Variants in LMNA observed in about 807,000 individuals in gnomAD.
LMNA encodes lamin A/C.
LMNA carries 20 observed loss-of-function variants against 70.4 expected under a neutral mutation model. That is an observed-to-expected ratio of 0.28 (90% CI 0.20 to 0.41). The LOEUF (loss-of-function observed/expected upper bound fraction) is 0.41, where lower values mean the gene tolerates loss of function less well. Among genes scored for constraint, LMNA ranks in the 10% least tolerant of loss-of-function variants. The probability of loss-of-function intolerance (pLI) is 1.00; values close to 1 mark genes in which losing one functional copy is unlikely to be tolerated. For synonymous variants in LMNA, 339 were observed against 372.8 expected, an observed-to-expected ratio of 0.91 and a Z score of 1.04; for missense variants, 652 against 917.2, an observed-to-expected ratio of 0.71 and a Z score of 3.73.
At chr1:156,127,521 T>G (rs972191930) in intron 1 of LMNA, among the ~76,000 whole-genome samples, 2 of 134,588 alleles carry the variant, frequency 1.5e-5, no homozygotes, top group East Asian at 2.1e-4. Context: ...TTTTTTTTTT[T>G]TTTTTTTTTT....
chr1:156,093,599 T>G (rs1188576009), intron 3 of LMNA: 3 of 152,122 alleles, frequency 2.0e-5, no homozygotes, highest in Non-Finnish European at 4.4e-5. Context: ...AGCCACTGCG[T>G]CCAACTACAT....
At chr1:156,089,809 G>A (rs1648625763) in intron 2 of LMNA, among the ~76,000 whole-genome samples, 1 of 152,216 alleles carries the variant, frequency 6.6e-6, no homozygotes, top group African/African-American at 2.4e-5. Flanking sequence ...TGCATTGTCT[G>A]ATTTCCCCAG....
At position 156,138,543 on chromosome 1, in the gene LMNA, C is replaced by T. The variant is rs909711414; in HGVS notation, c.1754C>T (p.Thr585Ile). 1 of 1,612,620 alleles carries T rather than the reference C, an allele frequency of 6.2e-7. No individual in the cohort carries two copies. The highest frequency in any genetic ancestry group is 8.5e-7 in the Non-Finnish European group (1 of 1,179,778). The change falls in exon 11 of 12, where the codon ACC (threonine) becomes ATC (isoleucine). Residue 585 changes from threonine (T) to isoleucine (I), a missense_variant. Thr to Ile is a moderately conservative substitution (Grantham distance 89). Coordinates refer to ENST00000368300, the MANE Select transcript of LMNA (RefSeq NM_170707.4). The surrounding 1 kb of genome is among the most constrained non-coding windows in gnomAD (Gnocchi z 5.5). ...DPAEYNLRSRTVLCGTCGQPA... is the reference protein window; with the variant it reads ...DPAEYNLRSRIVLCGTCGQPA... ...GCTGAGTACAACCTGCGCTCGCGCA[C>T]CGTGCTGTGCGGGACCTGCGGGCAG...
intron 3 of LMNA, among the ~76,000 whole-genome samples, chr1:156,107,409 C>A (rs899455012): frequency 1.3e-5 from 2 of 152,198 alleles, no homozygotes; most frequent in African/African-American, 4.8e-5. Flanking sequence ...GAGGTTTTGA[C>A]CCTGCCTGGC....
At chr1:156,084,344 C>G (rs1308078895) in intron 2 of LMNA, among the ~76,000 whole-genome samples, 78 of 71,496 alleles carry the variant, frequency 1.1e-3, no homozygotes, top group Non-Finnish European at 1.5e-3. Context: ...GTGGTGGGGG[C>G]AGTTGGCACA....
intron 3 of LMNA, among the ~76,000 whole-genome samples, chr1:156,102,657 C>T (rs774209538): frequency 1.2e-4 from 18 of 152,174 alleles, no homozygotes; most frequent in Admixed American, 7.9e-4. Flanking sequence ...CCTCTGGCCT[C>T]CTGCAGCCGG....
At position 156,138,957 on chromosome 1, in the gene LMNA, G is replaced by C. The variant is rs1370015666; in HGVS notation, c.1969-123G>C. On this transcript the variant is annotated intron_variant, in intron 11 of 11. Coordinates refer to ENST00000368300, the MANE Select transcript of LMNA (RefSeq NM_170707.4). This position sits in a 1 kb window ranked among gnomAD's most constrained non-coding sequence, Gnocchi z 5.5. The stretch of plus-strand genomic sequence containing the variant: ...TCTTGTCTGAGCCCCAGACTGGAGG[G>C]CAGGGGCAGGGCTGGAGTGTGAGGG... The C allele has an allele frequency of 1.5e-6, 2 of 1,308,582 alleles. No homozygotes were observed. Among genetic ancestry groups the C allele is most frequent in the African/African-American group, 2.9e-5 (2 of 68,570 alleles). The allele number at this position is 1,308,582 out of a possible 1,614,324, so 81.1% of individuals were successfully genotyped here. A position where few individuals can be genotyped will look rare whatever the true frequency, so the allele number is the denominator to read the frequency against.
intron 1 of LMNA, chr1:156,126,776 C>T (rs1345678687): frequency 1.3e-6 from 2 of 1,594,658 alleles, no homozygotes; most frequent in African/African-American, 1.3e-5. Context: ...GGATGCCCAG[C>T]CCTTCTCGCC....
In LMNA at chr1:156,134,795, A is replaced by G. The variant is rs80356807; in HGVS notation, c.640-10A>G. 6.2e-7 allele frequency: 1 copy of G among 1,613,882 alleles called. No individual in the cohort carries two copies. The highest frequency in any genetic ancestry group is 8.5e-7 in the Non-Finnish European group (1 of 1,179,952). On this transcript the variant is annotated splice_polypyrimidine_tract_variant and intron_variant, in intron 3 of 11. Coordinates refer to ENST00000368300, the MANE Select transcript of LMNA (RefSeq NM_170707.4). This position sits in a 1 kb window ranked among gnomAD's most constrained non-coding sequence, Gnocchi z 5.3. ...TTTTGGTTTCTGTGTCCTTCCTCCAACCCTTCCAGGAGCTGCGTGAGACCA... is the reference window on the plus strand; with the variant it reads ...TTTTGGTTTCTGTGTCCTTCCTCCAGCCCTTCCAGGAGCTGCGTGAGACCA...
chr1:156,110,523 C>T (rs1649494527), upstream of LMNA, among the ~76,000 whole-genome samples: 2 of 152,200 alleles, frequency 1.3e-5, no homozygotes, highest in Non-Finnish European at 1.5e-5. Context: ...TGAAAAGTGG[C>T]AGGGCCAGAT....
At chr1:156,124,206 T>G (rs928723830) in intron 1 of LMNA, among the ~76,000 whole-genome samples, 20 of 152,112 alleles carry the variant, frequency 1.3e-4, no homozygotes, top group African/African-American at 4.8e-4. Flanking sequence ...TGTATGATAT[T>G]CAGAACTTCA....
rs975870665 is a variant in LMNA, at chr1:156,126,305, T to C, written c.357-4312T>C. ...CCTCCACCTCCCCTTTGTCTTCCCC[T>C]CCCACTTGTTATTTTTAGCTACAGT... is the stretch of plus-strand genomic sequence containing the variant. On this transcript the variant is annotated intron_variant, in intron 1 of 11. Coordinates refer to ENST00000368300, the MANE Select transcript of LMNA (RefSeq NM_170707.4). 27 of 1,076,200 alleles carry C rather than the reference T, an allele frequency of 2.5e-5. No individual in the cohort carries two copies. The Middle Eastern group carries it at 6.2e-4, about 25-fold the overall frequency. The allele number at this position is 1,076,200 out of a possible 1,614,324, so 66.7% of individuals were successfully genotyped here.
intron 2 of LMNA, among the ~76,000 whole-genome samples, chr1:156,084,181 G>A (rs1648383593): frequency 6.6e-6 from 1 of 152,168 alleles, no homozygotes; most frequent in African/African-American, 2.4e-5. Context: ...GAGAGGCAAG[G>A]AAACAGATGA....
intron 1 of LMNA, among the ~76,000 whole-genome samples, chr1:156,124,657 CACA>C (rs1418175865): frequency 2.0e-5 from 3 of 152,188 alleles, no homozygotes; most frequent in African/African-American, 7.2e-5. Flanking sequence ...GGGAATTCTC[CACA>C]TCCTGCCCTT....
rs1225454840 is a variant in LMNA, at chr1:156,134,825, C to T, written c.660C>T (p.Arg220=). Residue 220 remains arginine, a synonymous_variant, in exon 4 of 12, where the codon CGC becomes CGT. Coordinates refer to ENST00000368300, the MANE Select transcript of LMNA (RefSeq NM_170707.4). This position sits in a 1 kb window ranked among gnomAD's most constrained non-coding sequence, Gnocchi z 5.3. The stretch of plus-strand genomic sequence containing the variant: ...TCCAGGAGCTGCGTGAGACCAAGCG[C>T]CGTCATGAGACCCGACTGGTGGAGA... ...IYSEELRETK[R]RHETRLVEID... 3 of 1,614,110 alleles carry T rather than the reference C, an allele frequency of 1.9e-6. No individual in the cohort carries two copies. The East Asian group carries it at 6.7e-5, about 36-fold the overall frequency.
intron 1 of LMNA, chr1:156,126,140 A>C: frequency 6.6e-7 from 1 of 1,504,346 alleles, no homozygotes; most frequent in Non-Finnish European, 8.9e-7. Context: ...CCTGGGAGAC[A>C]GGAAATGCCC....
In LMNA at chr1:156,134,027, T is replaced by C. The variant is rs1261719999; in HGVS notation, c.514-376T>C. 6.8e-6 allele frequency among the ~76,000 whole-genome samples: 1 copy of C among 147,196 alleles called. No homozygotes were observed. The highest frequency in any genetic ancestry group is 2.7e-5 in the African/African-American group (1 of 37,310). ...CCTGTGGCTGGGGGGCATATATCTT[T>C]TCTTTTTGAGACAGAGTCTAGCTGT... On this transcript the variant is annotated intron_variant, in intron 2 of 11. Transcript: ENST00000368300. The surrounding 1 kb of genome is among the most constrained non-coding windows in gnomAD (Gnocchi z 5.3).
chr1:156,088,319 C>CT (rs944379444), intron 2 of LMNA, among the ~76,000 whole-genome samples: 1 of 151,712 alleles, frequency 6.6e-6, no homozygotes, highest in Non-Finnish European at 1.5e-5. Context: ...TTTTTGTTTT[C>CT]TTTTTTTTAA....
At position 156,134,742 on chromosome 1, in the gene LMNA, G is replaced by A; in HGVS notation, c.640-63G>A. The A allele has an allele frequency of 6.2e-7, 1 of 1,609,934 alleles. No individual in the cohort carries two copies. Among genetic ancestry groups the A allele is most frequent in the Non-Finnish European group, 8.5e-7 (1 of 1,176,734 alleles). On this transcript the variant is annotated intron_variant, in intron 3 of 11. Coordinates refer to ENST00000368300, the MANE Select transcript of LMNA (RefSeq NM_170707.4). The surrounding 1 kb of genome is among the most constrained non-coding windows in gnomAD (Gnocchi z 5.3). The stretch of plus-strand genomic sequence containing the variant: ...GCTGGGCAGGGAGCCCCGCCCCTGG[G>A]TCTTGGCCTCCCAGGAACTAATTCT...
Sources: allele counts gnomAD v4.1 joint callset (sites outside exome capture counted in the v4.1 genomes callset), GRCh38; gene constraint gnomAD v4.1.1; non-coding constraint Gnocchi (gnomAD v3.1); transcripts MANE v1.5; gene names NCBI Gene and HGNC (gene_info 2026-07-23, HGNC 2026-07-21).